SOX6: variants seen among roughly 807,000 people sequenced by gnomAD.
SOX6 encodes the protein SRY-box transcription factor 6, also known as transcription factor SOX-6.
SOX6 carries 11 observed loss-of-function variants against 97.8 expected under a neutral mutation model. That is an observed-to-expected ratio of 0.11 (90% CI 0.07 to 0.19). The LOEUF (loss-of-function observed/expected upper bound fraction) is 0.19. SOX6 is among the 10% of genes least tolerant of loss of function. The pLI is 1.00. For missense variants in SOX6, 810 were observed against 1,039.5 expected, an observed-to-expected ratio of 0.78 and a Z score of 3.04; for synonymous variants, 360 against 371.4, an observed-to-expected ratio of 0.97 and a Z score of 0.35.
intron 4 of SOX6, among the ~76,000 whole-genome samples, chr11:16,221,141 A>G (rs1309227477): frequency 6.6e-6 from 1 of 152,056 alleles, no homozygotes; most frequent in Non-Finnish European, 1.5e-5. Flanking sequence ...TAATTTTCAT[A>G]GTTTTTATAG....
At chr11:16,132,386 G>A (rs1483482747) in intron 6 of SOX6, among the ~76,000 whole-genome samples, 1 of 79,482 alleles carries the variant, frequency 1.3e-5, no homozygotes, top group African/African-American at 5.7e-5. Context: ...AAGAAAGAAA[G>A]AAAGAAAGAA....
At chr11:16,581,713 C>T (rs1848033889) in intron 4 of SOX6, among the ~76,000 whole-genome samples, 1 of 151,984 alleles carries the variant, frequency 6.6e-6, no homozygotes, top group Admixed American at 6.6e-5. Flanking sequence ...CCTGTAATCC[C>T]AGCACTTTGG....
chr11:16,077,292 C>T (rs1020491620), intron 9 of SOX6, among the ~76,000 whole-genome samples: 4 of 152,152 alleles, frequency 2.6e-5, no homozygotes, highest in Non-Finnish European at 1.5e-5. Flanking sequence ...CCATCTCCCA[C>T]CAGTCAGAAT....
At chr11:16,240,901 T>G (rs1853175834) in intron 3 of SOX6, among the ~76,000 whole-genome samples, 1 of 152,080 alleles carries the variant, frequency 6.6e-6, no homozygotes, top group South Asian at 2.1e-4. Flanking sequence ...CATGACTATT[T>G]AAATCATTAT....
At chr11:16,430,014 G>T (rs544966184) in intron 1 of SOX6, among the ~76,000 whole-genome samples, 1 of 152,226 alleles carries the variant, frequency 6.6e-6, no homozygotes, top group South Asian at 2.1e-4. Context: ...AACTACCTCA[G>T]ACTATTGTGA....
chr11:15,974,929 C>T lies in SOX6; in HGVS notation c.2184-1817G>A, dbSNP rs1296259359. Among the ~76,000 whole-genome samples, 3 of 152,258 alleles carry T rather than the reference C, an allele frequency of 2.0e-5. No individual in the cohort carries two copies. In the East Asian group the frequency reaches 5.8e-4, roughly 29 times the overall value. ...GAAGAAAATCAGACCTTGCTTCAAG[C>T]CCTGCATTCAATAACCAGCAGAGCC... On this transcript the variant is annotated intron_variant, in intron 15 of 15. Transcript: ENST00000683767.
intron 4 of SOX6, among the ~76,000 whole-genome samples, chr11:16,589,811 A>G (rs1475861922): frequency 6.6e-6 from 1 of 152,172 alleles, no homozygotes; most frequent in Non-Finnish European, 1.5e-5. Flanking sequence ...ATCAATATAA[A>G]TCTATATTGC....
intron 13 of SOX6, among the ~76,000 whole-genome samples, chr11:15,994,437 A>T (rs1355399781): frequency 2.0e-5 from 1 of 49,042 alleles, no homozygotes; most frequent in Non-Finnish European, 4.5e-5. Context: ...GGTTTATGTA[A>T]AAAAAAAAAA....
At chr11:16,287,821 T>G (rs1854797564) in intron 3 of SOX6, among the ~76,000 whole-genome samples, 4 of 152,124 alleles carry the variant, frequency 2.6e-5, no homozygotes, top group Admixed American at 2.6e-4. Context: ...GACCCCACAC[T>G]GGGAAGCTTT....
intron 4 of SOX6, among the ~76,000 whole-genome samples, chr11:16,537,823 G>C (rs1278658556): frequency 6.6e-6 from 1 of 152,190 alleles, no homozygotes; most frequent in Non-Finnish European, 1.5e-5. Flanking sequence ...ATATGGGACT[G>C]TGTGAAAGCA....
intron 1 of SOX6, among the ~76,000 whole-genome samples, chr11:16,421,485 A>G (rs1362657638): frequency 6.6e-6 from 1 of 152,164 alleles, no homozygotes; most frequent in Non-Finnish European, 1.5e-5. Context: ...AGGTAAAATT[A>G]TTGTCGTGTG....
At chr11:16,715,123 G>A (rs974818757) in intron 2 of SOX6, among the ~76,000 whole-genome samples, 4 of 152,098 alleles carry the variant, frequency 2.6e-5, no homozygotes, top group African/African-American at 9.7e-5. Context: ...ACTGTCCAAC[G>A]GGATAGCCAA....
chr11:16,480,645 AC>A (rs11343081), upstream of SOX6, among the ~76,000 whole-genome samples: 59,452 of 148,120 alleles, frequency 0.4, 12,005 homozygotes, highest in East Asian at 0.66. Context: ...GTTTTTAGTA[AC>A]CCCCCCCCCA....
At chr11:16,357,946 A>G (rs1049097110), upstream of SOX6, among the ~76,000 whole-genome samples, 1 of 152,310 alleles carries the variant, frequency 6.6e-6, no homozygotes, top group Non-Finnish European at 1.5e-5. Flanking sequence ...AATGGTTTCT[A>G]TAGAGATTGA....
At chr11:16,298,177 A>G (rs1855154235) in intron 3 of SOX6, among the ~76,000 whole-genome samples, 1 of 152,138 alleles carries the variant, frequency 6.6e-6, no homozygotes, top group Non-Finnish European at 1.5e-5. Context: ...TTCGTTTGGC[A>G]TTATAGTGTA....
chr11:16,570,244 T>C (rs1847923435), intron 4 of SOX6, among the ~76,000 whole-genome samples: 1 of 152,188 alleles, frequency 6.6e-6, no homozygotes, highest in Non-Finnish European at 1.5e-5. Flanking sequence ...TTCATTGAGC[T>C]CAGAGATGCA....
At chr11:16,407,915 T>C (rs1858720210) in intron 1 of SOX6, among the ~76,000 whole-genome samples, 1 of 152,190 alleles carries the variant, frequency 6.6e-6, no homozygotes, top group African/African-American at 2.4e-5. Flanking sequence ...TAAAATCATT[T>C]TTATTCCCTT....
rs1304016167 is a variant in SOX6 at position 16,583,620 on chromosome 11, T to C, written n.609+28461A>G. 2.2e-4 allele frequency among the ~76,000 whole-genome samples: 30 copies of C among 136,964 alleles called. No homozygotes were observed. In the South Asian group the frequency reaches 6.8e-3, roughly 31 times the overall value. 89.9% of individuals were successfully genotyped at this position (136,964 alleles called of 152,430 possible). On this transcript the variant is annotated intron_variant and non_coding_transcript_variant, in intron 4 of 5. Transcript: ENST00000524520. ...ATATATGTGTATATATATACATATATATATATATATATATATACACATACA... is the reference window on the plus strand; with the variant it reads ...ATATATGTGTATATATATACATATACATATATATATATATATACACATACA...
intron 3 of SOX6, among the ~76,000 whole-genome samples, chr11:16,638,589 T>C (rs1167842584): frequency 6.6e-6 from 1 of 152,206 alleles, no homozygotes; most frequent in Non-Finnish European, 1.5e-5. Context: ...TGTTGTTTCC[T>C]GACTTTTTAA....
Sources: allele counts gnomAD v4.1 joint callset (sites outside exome capture counted in the v4.1 genomes callset), GRCh38; gene constraint gnomAD v4.1.1; transcripts MANE v1.5; gene names NCBI Gene and HGNC (gene_info 2026-07-23, HGNC 2026-07-21).